CDK14: variants seen among roughly 807,000 people sequenced by gnomAD.
CDK14 encodes cyclin-dependent kinase 14.
A neutral mutation model predicts 60.7 loss-of-function variants in CDK14; 34 were observed. The ratio of observed to expected loss-of-function variants is 0.56; its 90% CI spans 0.43 to 0.75. The LOEUF (loss-of-function observed/expected upper bound fraction) is 0.75, where lower values mean the gene tolerates loss of function less well. Among genes scored for constraint, CDK14 ranks in the 30% least tolerant of loss-of-function variants. The pLI is 0.00. For missense variants in CDK14, 482 were observed against 564.1 expected, an observed-to-expected ratio of 0.85 and a Z score of 1.47; for synonymous variants, 197 against 203.7, an observed-to-expected ratio of 0.97 and a Z score of 0.28.
intron 2 of CDK14, among the ~76,000 whole-genome samples, chr7:90,699,276 A>C (rs1044495841): frequency 9.2e-5 from 14 of 152,226 alleles, no homozygotes; most frequent in African/African-American, 3.4e-4. Context: ...CTCCTGCAGA[A>C]GTACAGGACC....
At chr7:91,064,393 G>C (rs1797907195) in intron 11 of CDK14, among the ~76,000 whole-genome samples, 2 of 152,202 alleles carry the variant, frequency 1.3e-5, no homozygotes, top group Non-Finnish European at 2.9e-5. Flanking sequence ...CTTATGAGCT[G>C]TGTAATGTGG....
At chr7:90,991,748 G>A (rs1291084727) in intron 10 of CDK14, among the ~76,000 whole-genome samples, 1 of 152,164 alleles carries the variant, frequency 6.6e-6, no homozygotes, top group East Asian at 1.9e-4. Flanking sequence ...TATTAAGAAA[G>A]GTTAGACTTT....
intron 4 of CDK14, among the ~76,000 whole-genome samples, chr7:90,775,706 T>G (rs1472981462): frequency 2.2e-5 from 1 of 46,420 alleles, no homozygotes; most frequent in Non-Finnish European, 4.0e-5. Flanking sequence ...TCCTCTCCTT[T>G]TCCTTCTCCT....
In CDK14 at chr7:91,170,062, T is replaced by C. The variant is rs1369684494; in HGVS notation, c.*29-37103T>C. Among the ~76,000 whole-genome samples, 3 of 152,236 alleles carry C rather than the reference T, an allele frequency of 2.0e-5. No homozygotes were observed. In the East Asian group the frequency reaches 5.8e-4, roughly 29 times the overall value. The stretch of plus-strand genomic sequence containing the variant: ...TGTTGCCTGGTTGCATTGCCTCTGC[T>C]GAGCAGGTTAACTGCTTGAGGTCTT... On this transcript the variant is annotated intron_variant, in intron 14 of 14. Coordinates refer to ENST00000380050, the MANE Select transcript of CDK14 (RefSeq NM_001287135.2).
chr7:90,768,976 A>G (rs543365241), intron 4 of CDK14, among the ~76,000 whole-genome samples: 1 of 152,314 alleles, frequency 6.6e-6, no homozygotes, highest in African/African-American at 2.4e-5. Flanking sequence ...TTTTTGAACA[A>G]AAGAGTTAAT....
chr7:90,955,841 A>C (rs1452582126), intron 9 of CDK14, 24 bp downstream of exon 9: 2 of 1,611,198 alleles, frequency 1.2e-6, no homozygotes, highest in Non-Finnish European at 1.7e-6. Flanking sequence ...GCTTTACTCT[A>C]GCTAATCTAT....
chr7:91,102,349 G>T (rs1799169313), intron 12 of CDK14, among the ~76,000 whole-genome samples: 1 of 152,164 alleles, frequency 6.6e-6, no homozygotes, highest in Non-Finnish European at 1.5e-5. Flanking sequence ...CATATAAAAT[G>T]TAAGTGAGGA....
chr7:91,200,526 A>G (rs1802681004), intron 14 of CDK14, among the ~76,000 whole-genome samples: 1 of 152,158 alleles, frequency 6.6e-6, no homozygotes, highest in Admixed American at 6.5e-5. Context: ...CCTTCTTGAC[A>G]TGGTACTTGG....
chr7:90,661,429 T>C (rs1380755212), intron 2 of CDK14, among the ~76,000 whole-genome samples: 5 of 152,176 alleles, frequency 3.3e-5, no homozygotes, highest in African/African-American at 1.2e-4. Flanking sequence ...TGCCGAATTG[T>C]TTGTTAGTTA....
At chr7:90,792,460 T>C (rs1805871734) in intron 5 of CDK14, among the ~76,000 whole-genome samples, 1 of 152,178 alleles carries the variant, frequency 6.6e-6, no homozygotes, top group African/African-American at 2.4e-5. Context: ...AATCAATCAT[T>C]GTATGACAGT....
At chr7:91,145,826 C>T (rs1800610849) in intron 14 of CDK14, among the ~76,000 whole-genome samples, 1 of 152,160 alleles carries the variant, frequency 6.6e-6, no homozygotes, top group Non-Finnish European at 1.5e-5. Context: ...AGATGCTTTC[C>T]CTTGAAGAGC....
intron 6 of CDK14, among the ~76,000 whole-genome samples, chr7:90,880,375 G>C (rs969490653): frequency 3.9e-5 from 6 of 152,112 alleles, no homozygotes; most frequent in Non-Finnish European, 7.4e-5. Context: ...CAGTGGATGG[G>C]GCTTCCCTGC....
intron 9 of CDK14, 120 bp from the exon 10 acceptor site, chr7:90,984,027 GA>G (rs1388106641): frequency 4.0e-5 from 28 of 692,924 alleles, no homozygotes; most frequent in Non-Finnish European, 7.0e-5. Context: ...AGTTAGAGGG[GA>G]AAAAGGAAAC....
intron 2 of CDK14, among the ~76,000 whole-genome samples, chr7:90,637,897 TTTGTC>T (rs1290274946): frequency 6.7e-6 from 1 of 150,152 alleles, no homozygotes; most frequent in East Asian, 2.0e-4. Context: ...AATGGCCTTC[TTTGTC>T]TCTTTTGATC....
chr7:90,894,454 A>C (rs1373824222), intron 6 of CDK14, among the ~76,000 whole-genome samples: 1 of 152,166 alleles, frequency 6.6e-6, no homozygotes, highest in Non-Finnish European at 1.5e-5. Flanking sequence ...AAATAACCTA[A>C]AATTTTAAAG....
intron 8 of CDK14, among the ~76,000 whole-genome samples, chr7:90,930,888 G>T (rs1347212714): frequency 6.6e-6 from 1 of 152,096 alleles, no homozygotes; most frequent in Admixed American, 6.5e-5. Context: ...GCATTAGAAT[G>T]ACCAATATTT....
chr7:90,961,816 A>C (rs184072554), intron 9 of CDK14, among the ~76,000 whole-genome samples: 49 of 152,366 alleles, frequency 3.2e-4, no homozygotes, highest in South Asian at 1.4e-3. Context: ...CCTTAAAATT[A>C]GGATGACCCT....
At chr7:91,152,902 G>A (rs1800865313) in intron 14 of CDK14, among the ~76,000 whole-genome samples, 1 of 152,186 alleles carries the variant, frequency 6.6e-6, no homozygotes, top group South Asian at 2.1e-4. Context: ...CCCACAGGTT[G>A]AGTACCATTT....
chr7:90,808,990 G>A lies in CDK14; in HGVS notation c.544+18338G>A, dbSNP rs527539706. 7.2e-4 allele frequency among the ~76,000 whole-genome samples: 109 copies of A among 152,110 alleles called. 1 individual carries two copies. Among genetic ancestry groups the A allele is most frequent in the Non-Finnish European group, 9.1e-4 (62 of 67,988 alleles). On this transcript the variant is annotated intron_variant, in intron 5 of 14. Transcript: ENST00000380050. The stretch of plus-strand genomic sequence containing the variant: ...ATAAAGCAAGTCCTTAGAGACCTAC[G>A]AAGAGACTTAGACTCCCATACAATA...
Sources: allele counts gnomAD v4.1 joint callset (sites outside exome capture counted in the v4.1 genomes callset), GRCh38; gene constraint gnomAD v4.1.1; transcripts MANE v1.5; gene names NCBI Gene and HGNC (gene_info 2026-07-23, HGNC 2026-07-21).